Variants in CAST observed in about 807,000 individuals in gnomAD.
CAST encodes MIR583 host.
CAST carries 76 observed loss-of-function variants against 119.6 expected under a neutral mutation model. The observed-to-expected ratio is 0.64, with a 90% CI of 0.53 to 0.77. The LOEUF (loss-of-function observed/expected upper bound fraction) is 0.77, where lower values mean the gene tolerates loss of function less well. Ranked by LOEUF, CAST falls within the 30% of genes least tolerant of loss-of-function variation. The probability of loss-of-function intolerance (pLI) is 0.00; values close to 1 mark genes in which losing one functional copy is unlikely to be tolerated. For missense variants in CAST, 953 were observed against 946.5 expected (o/e 1.01, Z -0.09); for synonymous variants, 319 against 331.6 (o/e 0.96, Z 0.41).
rs540259998 is a variant in CAST, at chr5:96,551,198, A to G, written c.60+21318A>G. Among the ~76,000 whole-genome samples the G allele has an allele frequency of 1.1e-3, 167 of 152,386 alleles. 1 individual carries two copies. Among genetic ancestry groups the G allele is most frequent in the Middle Eastern group, 3.4e-3 (1 of 294 alleles). ...TGGTGTTACCCACAAAGGGAAGCCCATCAGACTAACAGCAGATCTCTCTGC... is the reference window on the plus strand; with the variant it reads ...TGGTGTTACCCACAAAGGGAAGCCCGTCAGACTAACAGCAGATCTCTCTGC... On this transcript the variant is annotated intron_variant, in intron 1 of 11. Coordinates refer to the CAST transcript ENST00000505143.
the CAST span, among the ~76,000 whole-genome samples, chr5:96,025,889 T>A: frequency 2.0e-5 from 3 of 152,178 alleles, no homozygotes; most frequent in Admixed American, 1.3e-4. Context: ...TCTCCACAAG[T>A]AAAGTTTTAT....
chr5:96,534,761 GAAAGAA>G (rs1561408964), intron 1 of CAST, among the ~76,000 whole-genome samples: 61 of 94,372 alleles, frequency 6.5e-4, no homozygotes, highest in South Asian at 1.4e-3. Context: ...AAGAAAGAAA[GAAAGAA>G]AGAAAGAAAG....
the CAST span, among the ~76,000 whole-genome samples, chr5:96,355,181 GC>G: frequency 6.3e-5 from 8 of 126,770 alleles, no homozygotes; most frequent in South Asian, 7.5e-4. Context: ...CCCTCCCCTA[GC>G]CCCCCACCCC....
the CAST span, among the ~76,000 whole-genome samples, chr5:96,371,529 A>G: frequency 2.6e-5 from 4 of 152,232 alleles, no homozygotes; most frequent in Non-Finnish European, 5.9e-5. Context: ...GAGATGAAGT[A>G]TTTTGAACGC....
the CAST span, among the ~76,000 whole-genome samples, chr5:96,343,344 T>C: frequency 6.6e-6 from 1 of 152,210 alleles, no homozygotes; most frequent in Non-Finnish European, 1.5e-5. Flanking sequence ...GGACAACTTA[T>C]TGATTTTTTA....
the CAST span, among the ~76,000 whole-genome samples, chr5:96,365,035 A>T: frequency 6.6e-6 from 1 of 152,114 alleles, no homozygotes; most frequent in East Asian, 1.9e-4. Context: ...CTTTGTTCTC[A>T]TTGGTTTCAA....
the CAST span, among the ~76,000 whole-genome samples, chr5:96,100,867 A>C: frequency 6.6e-6 from 1 of 152,136 alleles, no homozygotes; most frequent in African/African-American, 2.4e-5. Flanking sequence ...TTGTTATACT[A>C]TATATATTAT....
the CAST span, among the ~76,000 whole-genome samples, chr5:96,189,523 C>T: frequency 6.6e-6 from 1 of 152,066 alleles, no homozygotes; most frequent in Admixed American, 6.6e-5. Context: ...TAGCTTATGT[C>T]TTCCTTCAGC....
At chr5:96,756,622 A>G (rs1039311669) in intron 22 of CAST, among the ~76,000 whole-genome samples, 9 of 152,168 alleles carry the variant, frequency 5.9e-5, no homozygotes, top group Admixed American at 2.6e-4. Context: ...TTGTTTTCAG[A>G]TTTTCAGATT....
intron 16 of CAST, among the ~76,000 whole-genome samples, chr5:96,744,042 T>C (rs1379661514): frequency 6.6e-6 from 1 of 152,106 alleles, no homozygotes; most frequent in African/African-American, 2.4e-5. Context: ...TAAAAGTGAC[T>C]AAAAGCAGAT....
upstream of CAST, among the ~76,000 whole-genome samples, chr5:96,522,995 C>G (rs1330481093): frequency 6.6e-6 from 1 of 152,238 alleles, no homozygotes; most frequent in Non-Finnish European, 1.5e-5. Context: ...CATTCAGCAT[C>G]CACCATTTCT....
chr5:96,164,178 CACAT>C, the CAST span, among the ~76,000 whole-genome samples: 1 of 152,152 alleles, frequency 6.6e-6, no homozygotes, highest in Non-Finnish European at 1.5e-5. Flanking sequence ...AAAATATGCA[CACAT>C]ACATACACAT....
chr5:96,327,474 A>AAAG, the CAST span, among the ~76,000 whole-genome samples: 1 of 152,254 alleles, frequency 6.6e-6, no homozygotes, highest in African/African-American at 2.4e-5. Context: ...GTAGCTAACC[A>AAAG]GTGCCATCCT....
chr5:96,597,575 A>G (rs1747074537), intron 1 of CAST, among the ~76,000 whole-genome samples: 1 of 152,160 alleles, frequency 6.6e-6, no homozygotes, highest in South Asian at 2.1e-4. Context: ...GGCAACCTGC[A>G]CCTTCCAACA....
At chr5:96,324,525 T>C in the CAST span, among the ~76,000 whole-genome samples, 3 of 152,220 alleles carry the variant, frequency 2.0e-5, no homozygotes, top group Non-Finnish European at 4.4e-5. Flanking sequence ...ACCTTCACTC[T>C]TTAGTCTTTA....
chr5:96,399,954 TG>T, the CAST span: 1 of 1,609,538 alleles, frequency 6.2e-7, no homozygotes, highest in Non-Finnish European at 8.5e-7. Context: ...GATACTTACC[TG>T]GGCTCAAAGT....
chr5:96,696,585 G>A (rs1581005328), intron 3 of CAST, among the ~76,000 whole-genome samples: 1 of 151,250 alleles, frequency 6.6e-6, no homozygotes, highest in Non-Finnish European at 1.5e-5. Context: ...GCCTGTAATC[G>A]CAGCACTTTG....
At chr5:96,259,709 T>A in the CAST span, among the ~76,000 whole-genome samples, 1 of 152,176 alleles carries the variant, frequency 6.6e-6, no homozygotes, top group African/African-American at 2.4e-5. Context: ...CCTCTTTCTC[T>A]TCTCCTTCGT....
At chr5:96,245,582 G>T in the CAST span, among the ~76,000 whole-genome samples, 1 of 150,624 alleles carries the variant, frequency 6.6e-6, no homozygotes, top group East Asian at 2.0e-4. Flanking sequence ...GAAATTTTCT[G>T]TGTGTTCAGG....
Sources: gnomAD v4.1 joint callset for allele counts (sites outside exome capture counted in the v4.1 genomes callset) on GRCh38, gnomAD v4.1.1 for gene constraint, MANE v1.5 for transcripts, NCBI Gene and HGNC (gene_info 2026-07-23, HGNC 2026-07-21) for gene names.